PHF6: variants seen among roughly 807,000 people sequenced by gnomAD.
The protein encoded by PHF6 is PHD-like zinc finger protein.
Under a neutral mutation model 34.0 loss-of-function variants are expected in PHF6, and 7 were observed. The observed-to-expected ratio is 0.21, with a 90% CI of 0.12 to 0.39. The LOEUF is 0.39. Ranked by LOEUF, PHF6 falls within the 10% of genes least tolerant of loss-of-function variation. The probability of loss-of-function intolerance (pLI) is 1.00; values close to 1 mark genes in which losing one functional copy is unlikely to be tolerated. For missense variants in PHF6, 128 were observed against 262.8 expected (o/e 0.49, Z 3.55); for synonymous variants, 89 against 88.4 (o/e 1.01, Z -0.04).
intron 2 of PHF6, 124 bp downstream of exon 2, chrX:134,377,879 A>G: frequency 3.1e-6 from 3 of 968,038 alleles, no homozygotes; most frequent in South Asian, 4.3e-5. Context: ...ATTTTAAGAA[A>G]TGGTTTATCA....
chrX:134,393,429 A>G (rs1245595042), intron 3 of PHF6, 72 bp from the exon 4 acceptor site: 1 of 1,073,238 alleles, frequency 9.3e-7, no homozygotes, highest in South Asian at 2.1e-5. Context: ...ACAGAAATTG[A>G]TATGCCTCTA....
rs181743415 is a variant in PHF6 at position 134,426,556 on chromosome X, T to C, written c.*896T>C. 1 of 160,894 alleles carries C rather than the reference T, an allele frequency of 6.2e-6. No individual in the cohort carries two copies. Among genetic ancestry groups the C allele is most frequent in the East Asian group, 9.2e-5 (1 of 10,847 alleles). The allele number at this position is 160,894 out of a possible 1,213,427, so 13.3% of individuals were successfully genotyped here. On this transcript the variant is annotated 3_prime_UTR_variant, in exon 11 of 11. Coordinates refer to ENST00000370803, the MANE Select transcript of PHF6 (RefSeq NM_001015877.2). ...CTCATGTGCTGTAGGAGTAAAAAAG[T>C]CTTTGCATAAAACAGTATTTATTTT...
chrX:134,425,437 T>G, intron 10 of PHF6, 107 bp downstream of exon 10: 1 of 958,951 alleles, frequency 1.0e-6, no homozygotes, highest in East Asian at 3.1e-5. Context: ...CCTATTATGT[T>G]TAGTTAAGAG....
chrX:134,419,365 T>C (rs976887701), intron 9 of PHF6: 1 of 109,987 alleles, frequency 9.1e-6, no homozygotes, highest in Admixed American at 9.7e-5. Flanking sequence ...CTCTATATAA[T>C]TTTAAAAATA....
chrX:134,378,237 T>C (rs1334848949), intron 3 of PHF6, 131 bp downstream of exon 3: 2 of 382,642 alleles, frequency 5.2e-6, no homozygotes, highest in African/African-American at 2.6e-5. Context: ...TTTTTTTTTT[T>C]CTCTGAGCCA....
In PHF6 at chrX:134,425,191, A is replaced by G; in HGVS notation, c.969-10A>G. 2 of 1,210,327 alleles carry G rather than the reference A, an allele frequency of 1.7e-6. No homozygotes were observed. Among genetic ancestry groups the G allele is most frequent in the African/African-American group, 3.5e-5 (2 of 57,838 alleles). On this transcript the variant is annotated splice_polypyrimidine_tract_variant and intron_variant, in intron 9 of 10. Coordinates refer to ENST00000370803, the MANE Select transcript of PHF6 (RefSeq NM_001015877.2). ...AAGCATTTTGAGATTTTTGTCTTTC[A>G]TCATTGTAGACTATACTGTAAAAAT... is the stretch of plus-strand genomic sequence containing the variant.
chrX:134,384,272 C>G (rs1244293641), intron 3 of PHF6, among the ~76,000 whole-genome samples: 5 of 111,349 alleles, frequency 4.5e-5, no homozygotes. Context: ...CAGAATAGGT[C>G]TTTGAGACCC....
intron 3 of PHF6, among the ~76,000 whole-genome samples, chrX:134,379,797 C>A (rs1308467018): frequency 9.0e-6 from 1 of 111,498 alleles, no homozygotes; most frequent in East Asian, 2.8e-4. Flanking sequence ...GGTTTCTTCA[C>A]GTTACTGTGC....
At chrX:134,409,005 C>T (rs1300145015) in intron 5 of PHF6, among the ~76,000 whole-genome samples, 3 of 112,163 alleles carry the variant, frequency 2.7e-5, no homozygotes, top group African/African-American at 9.7e-5. Flanking sequence ...TGAGCTACCG[C>T]ACCGGCCCCA....
At chrX:134,384,930 C>T (rs189555584) in intron 3 of PHF6, among the ~76,000 whole-genome samples, 99 of 111,854 alleles carry the variant, frequency 8.9e-4, no homozygotes, top group African/African-American at 2.9e-3. Context: ...GGATTACAGG[C>T]GTGAGCCACT....
chrX:134,395,843 A>G (rs1449316591), intron 5 of PHF6, among the ~76,000 whole-genome samples: 2 of 112,018 alleles, frequency 1.8e-5, no homozygotes, highest in Non-Finnish European at 3.8e-5. Context: ...TAAGGTAAAC[A>G]TGCTGGATAA....
intron 2 of PHF6, 27 bp from the exon 3 acceptor site, chrX:134,377,978 T>A: frequency 9.2e-7 from 1 of 1,084,871 alleles, no homozygotes; most frequent in Non-Finnish European, 1.3e-6. Flanking sequence ...TATATGAACC[T>A]TAATTTTTTT....
At chrX:134,396,292 C>G (rs2077377293) in intron 5 of PHF6, among the ~76,000 whole-genome samples, 2 of 111,424 alleles carry the variant, frequency 1.8e-5, no homozygotes, top group African/African-American at 6.5e-5. Flanking sequence ...CACACTGAGA[C>G]AGGATATTTG....
intron 9 of PHF6, chrX:134,418,008 T>C (rs970576813): frequency 1.8e-5 from 2 of 111,753 alleles, no homozygotes; most frequent in African/African-American, 6.5e-5. Flanking sequence ...TGAGAGCGTA[T>C]AAGAAGGAAG....
chrX:134,417,336 A>G (rs370319271), intron 9 of PHF6, 34 bp downstream of exon 9: 5 of 1,186,476 alleles, frequency 4.2e-6, no homozygotes, highest in African/African-American at 1.8e-5. Context: ...TTCCCTAAAC[A>G]TGTTAGTAAC....
At chrX:134,406,317 A>G (rs2077425032) in intron 5 of PHF6, among the ~76,000 whole-genome samples, 2 of 111,065 alleles carry the variant, frequency 1.8e-5, no homozygotes, top group African/African-American at 6.6e-5. Flanking sequence ...AGGTATTAAC[A>G]TTAGTCCCAT....
At chrX:134,399,652 TACAC>T (rs201158134) in intron 5 of PHF6, among the ~76,000 whole-genome samples, 8 of 101,233 alleles carry the variant, frequency 7.9e-5, no homozygotes, top group East Asian at 3.1e-4. Context: ...ACCCCTAACA[TACAC>T]ACACACACAC....
In PHF6 at chrX:134,415,372, C is replaced by T. The variant is rs145337442; in HGVS notation, c.834+252C>T. The T allele has an allele frequency of 6.8e-4, 276 of 408,194 alleles. 2 individuals are homozygous for T. In the East Asian group the frequency reaches 0.011, roughly 17 times the overall value. The allele number at this position is 408,194 out of a possible 1,213,427, so 33.6% of individuals were successfully genotyped here. ...TATACATTTCAAGGCATTTGCAAGC[C>T]GTTTAATAAAATAAATGAAGATATG... On this transcript the variant is annotated intron_variant, in intron 8 of 10. Transcript: ENST00000370803.
chrX:134,411,394 CAT>C (rs777826623), intron 5 of PHF6, among the ~76,000 whole-genome samples: 174 of 111,173 alleles, frequency 1.6e-3, no homozygotes, highest in African/African-American at 5.5e-3. Context: ...ACAAATATGA[CAT>C]GTGGGAAACT....
Sources: allele counts gnomAD v4.1 joint callset (sites outside exome capture counted in the v4.1 genomes callset), GRCh38; gene constraint gnomAD v4.1.1; transcripts MANE v1.5; gene names NCBI Gene and HGNC (gene_info 2026-07-23, HGNC 2026-07-21).